NLRC4: variants seen among roughly 807,000 people sequenced by gnomAD.
NLRC4 encodes the protein NLR family CARD domain-containing protein 4.
NLRC4 carries 63 observed loss-of-function variants against 79.9 expected under a neutral mutation model. The ratio of observed to expected loss-of-function variants is 0.79; its 90% CI spans 0.64 to 0.97. The LOEUF (loss-of-function observed/expected upper bound fraction) is 0.97, where lower values mean the gene tolerates loss of function less well. Among genes scored for constraint, NLRC4 ranks in the 50% least tolerant of loss-of-function variants. NLRC4 has a pLI of 0.00. For missense variants in NLRC4, 1,074 were observed against 1,215.2 expected, an observed-to-expected ratio of 0.88 and a Z score of 1.73; for synonymous variants, 461 against 456.5, an observed-to-expected ratio of 1.01 and a Z score of -0.12.
At chr2:32,233,320 A>AATATATATATATATATATAT (rs1257781417) in intron 8 of NLRC4, among the ~76,000 whole-genome samples, 4 of 67,254 alleles carry the variant, frequency 5.9e-5, no homozygotes, top group African/African-American at 1.4e-4. Flanking sequence ...AGAAATTTTA[A>AATATATATATATATATATAT]ATATATATAT....
intron 8 of NLRC4, among the ~76,000 whole-genome samples, chr2:32,234,238 T>G (rs1481279780): frequency 6.6e-6 from 1 of 151,382 alleles, no homozygotes; most frequent in African/African-American, 2.4e-5. Flanking sequence ...AAAAAAAAAT[T>G]AGGCGTGGTG....
At chr2:32,259,171 C>T (rs529887779) in intron 1 of NLRC4, among the ~76,000 whole-genome samples, 16 of 151,426 alleles carry the variant, frequency 1.1e-4, no homozygotes, top group East Asian at 3.9e-4. Flanking sequence ...TCATGGCTCA[C>T]GGCATCCTTA....
At chr2:32,236,362 A>T (rs1008705965) in intron 6 of NLRC4, 23 bp from the exon 7 acceptor site, 1 of 1,425,424 alleles carries the variant, frequency 7.0e-7, no homozygotes, top group Non-Finnish European at 9.8e-7. Context: ...AGTAATCCAA[A>T]ATAAAAAGAT....
At chr2:32,238,467 C>A (rs1553343799) in intron 5 of NLRC4, among the ~76,000 whole-genome samples, 165 bp from the exon 6 acceptor site, 1 of 152,022 alleles carries the variant, frequency 6.6e-6, no homozygotes, top group Non-Finnish European at 1.5e-5. Context: ...TTTTTTCTTT[C>A]AATTCTCACT....
chr2:32,231,578 G>GT (rs1553342722), intron 8 of NLRC4, among the ~76,000 whole-genome samples: 3 of 114,944 alleles, frequency 2.6e-5, no homozygotes, highest in Non-Finnish European at 3.7e-5. Flanking sequence ...TTTTTGTGGG[G>GT]GGGGGGTGGG....
chr2:32,263,929 C>T (rs2148950405), intron 1 of NLRC4, among the ~76,000 whole-genome samples: 1 of 152,280 alleles, frequency 6.6e-6, no homozygotes, highest in Non-Finnish European at 1.5e-5. Context: ...ACATTTTCCA[C>T]CTCTCAAAGC....
intron 8 of NLRC4, among the ~76,000 whole-genome samples, chr2:32,232,511 T>G (rs1020420272): frequency 6.6e-6 from 1 of 152,200 alleles, no homozygotes; most frequent in African/African-American, 2.4e-5. Flanking sequence ...TGCCTGCATC[T>G]CATTAGGTAG....
chr2:32,261,664 G>A (rs1358924649), intron 1 of NLRC4, among the ~76,000 whole-genome samples: 6 of 151,658 alleles, frequency 4.0e-5, no homozygotes, highest in African/African-American at 1.2e-4. Flanking sequence ...GATTCCTTTG[G>A]CGTGAGACAA....
intron 8 of NLRC4, among the ~76,000 whole-genome samples, chr2:32,227,968 C>G (rs1315628591): frequency 1.3e-5 from 2 of 152,040 alleles, no homozygotes; most frequent in Admixed American, 1.3e-4. Flanking sequence ...TTCCTGTATC[C>G]CAAACACAAC....
chr2:32,238,146 G>A lies in NLRC4; in HGVS notation c.2507C>T (p.Ala836Val). ...GCAACAGTTACCTAGGATTTTCACT[G>A]CATTTGCAGACAAGCAGCAGGAGAC... Reference protein sequence around the residue: ...QLVSCCLSANAVKILAQNLHN... With the variant: ...QLVSCCLSANVVKILAQNLHN... Residue 836 changes from alanine to valine, a missense_variant, in exon 6 of 9, where the codon GCA becomes GTA. Physicochemically the swap from Ala to Val is moderately conservative, Grantham distance 64. Coordinates refer to ENST00000402280, the MANE Select transcript of NLRC4 (RefSeq NM_001199138.2). The A allele has an allele frequency of 6.2e-7, 1 of 1,613,154 alleles. No individual in the cohort carries two copies. Among genetic ancestry groups the A allele is most frequent in the African/African-American group, 1.3e-5 (1 of 75,000 alleles).
At chr2:32,259,262 A>ATTTT (rs57570626) in intron 1 of NLRC4, among the ~76,000 whole-genome samples, 1,143 of 52,840 alleles carry the variant, frequency 0.022, 171 homozygotes, top group Non-Finnish European at 0.034. Context: ...TGCCTGGCTA[A>ATTTT]TTTTTTTTTT....
At position 32,250,268 on chromosome 2, in the gene NLRC4, T is replaced by C. The variant is rs1234107427; in HGVS notation, c.1596A>G (p.Glu532=). 1 of 1,614,184 alleles carries C rather than the reference T, an allele frequency of 6.2e-7. No individual in the cohort carries two copies. Among genetic ancestry groups the C allele is most frequent in the African/African-American group, 1.3e-5 (1 of 75,042 alleles). ...TGGTGTTTTTCACACTTTGCAAAGATTCCTGTCTCCAGAGAGGCCTCTTGG... is the reference window on the plus strand; with the variant it reads ...TGGTGTTTTTCACACTTTGCAAAGACTCCTGTCTCCAGAGAGGCCTCTTGG... ...SIAKRPLWRQ[E]SLQSVKNTTE... The change falls in exon 4 of 9, where the codon GAA becomes GAG. Residue 532 remains glutamate (E), a synonymous_variant. Transcript: ENST00000402280. This position sits in a 1 kb window ranked among gnomAD's most constrained non-coding sequence, Gnocchi z 4.9.
intron 4 of NLRC4, among the ~76,000 whole-genome samples, chr2:32,243,539 C>T (rs1049327465): frequency 6.6e-6 from 1 of 151,920 alleles, no homozygotes; most frequent in African/African-American, 2.4e-5. Context: ...TGGTGGCTCA[C>T]ACTTGTAATC....
chr2:32,255,923 A>C (rs1687197703), intron 2 of NLRC4, among the ~76,000 whole-genome samples: 1 of 151,936 alleles, frequency 6.6e-6, no homozygotes, highest in African/African-American at 2.4e-5. Flanking sequence ...CTGAGGCAGA[A>C]GCATCGCTTG....
chr2:32,256,726 T>A lies in NLRC4; in HGVS notation c.1+49A>T, dbSNP rs59966205. The A allele has an allele frequency of 0.57, 441,199 of 777,036 alleles. 127,445 individuals are homozygous for A. The highest frequency in any genetic ancestry group is 0.6 in the Non-Finnish European group (247,763 of 416,136). 48.1% of individuals were successfully genotyped at this position (777,036 alleles called of 1,614,324 possible). ...ATTTTCCATTTAAAATCACCAGTAT[T>A]TGGTAGCAGACTGTATAACCAGGCA... On this transcript the variant is annotated intron_variant, in intron 2 of 8. Coordinates refer to ENST00000402280, the MANE Select transcript of NLRC4 (RefSeq NM_001199138.2).
At chr2:32,256,063 T>C (rs896621815) in intron 2 of NLRC4, among the ~76,000 whole-genome samples, 3 of 151,972 alleles carry the variant, frequency 2.0e-5, no homozygotes, top group Non-Finnish European at 4.4e-5. Flanking sequence ...AACAGTAAGA[T>C]ATTATTTTAC....
chr2:32,232,418 A>G (rs1401079338), intron 8 of NLRC4, among the ~76,000 whole-genome samples: 5 of 152,210 alleles, frequency 3.3e-5, no homozygotes, highest in Non-Finnish European at 5.9e-5. Flanking sequence ...ATTTAAGGAC[A>G]ATCCAGGCCT....
intron 8 of NLRC4, among the ~76,000 whole-genome samples, chr2:32,234,899 C>G (rs905880301): frequency 1.3e-5 from 2 of 152,204 alleles, no homozygotes; most frequent in African/African-American, 2.4e-5. Context: ...GAATTGAAAA[C>G]TAATACAGAT....
At chr2:32,247,506 G>C (rs1323884824) in intron 4 of NLRC4, among the ~76,000 whole-genome samples, 1 of 151,230 alleles carries the variant, frequency 6.6e-6, no homozygotes, top group Non-Finnish European at 1.5e-5. Context: ...TAGAGATGGG[G>C]TTTCTCCATG....
Sources: allele counts gnomAD v4.1 joint callset (sites outside exome capture counted in the v4.1 genomes callset), GRCh38; gene constraint gnomAD v4.1.1; non-coding constraint Gnocchi (gnomAD v3.1); transcripts MANE v1.5; gene names NCBI Gene and HGNC (gene_info 2026-07-23, HGNC 2026-07-21).